Variants in POF1B observed in about 807,000 individuals in gnomAD.
POF1B encodes the protein POF1B actin binding protein.
Under a neutral mutation model 55.3 loss-of-function variants are expected in POF1B, and 53 were observed. That is an observed-to-expected ratio of 0.96 (90% CI 0.77 to 1.20). The LOEUF (loss-of-function observed/expected upper bound fraction) is 1.20. Ranked by LOEUF, POF1B falls within the 50% of genes most tolerant of loss-of-function variation. POF1B has a pLI of 0.00. For missense variants in POF1B, 478 were observed against 420.5 expected, an observed-to-expected ratio of 1.14 and a Z score of -1.20; for synonymous variants, 188 against 148.3, an observed-to-expected ratio of 1.27 and a Z score of -1.95.
At chrX:85,323,089 T>C (rs1165540168) in intron 7 of POF1B, among the ~76,000 whole-genome samples, 2 of 111,188 alleles carry the variant, frequency 1.8e-5, no homozygotes, top group African/African-American at 6.6e-5. Context: ...GCCATCCCAT[T>C]ACTGGGTGTA....
chrX:85,315,653 A>G, intron 8 of POF1B, 54 bp downstream of exon 8: 3 of 995,217 alleles, frequency 3.0e-6, no homozygotes, highest in Non-Finnish European at 4.0e-6. Flanking sequence ...TGCAAATATC[A>G]GAATCTACTT....
rs146172066 is a variant in POF1B, at chrX:85,307,207, C to T, written c.1120G>A (p.Glu374Lys). 26 of 1,204,849 alleles carry T rather than the reference C, an allele frequency of 2.2e-5. No homozygotes were observed. The highest frequency in any genetic ancestry group is 5.0e-4 in the Middle Eastern group (2 of 3,986). Reference sequence around the variant, plus strand: ...GCTCTCACTGATGCCAAGAGTTCTTCGTACTCTTTTAATTGAGTGTCTTTG... The same window carrying T: ...GCTCTCACTGATGCCAAGAGTTCTTTGTACTCTTTTAATTGAGTGTCTTTG... ...SFKDTQLKEY[E>K]ELLASVRANN... Residue 374 changes from glutamate to lysine, a missense_variant, in exon 11 of 17, where the codon GAA (glutamate) becomes AAA (lysine). Physicochemically the swap from Glu to Lys is moderately conservative, Grantham distance 56 (BLOSUM62 1). Transcript: ENST00000262753.
In POF1B at chrX:85,305,914, C is replaced by T. The variant is rs1284246272; in HGVS notation, c.1318-4G>A. On this transcript the variant is annotated splice_region_variant and splice_polypyrimidine_tract_variant and intron_variant, in intron 12 of 16. Transcript: ENST00000262753. ...GGCCTGTGCAAGTCTCAGAAACCTA[C>T]AGAAGGCAAAATAACTATCTGTAAT... 3 of 1,204,405 alleles carry T rather than the reference C, an allele frequency of 2.5e-6. No homozygotes were observed. Among genetic ancestry groups the T allele is most frequent in the Admixed American group, 2.2e-5 (1 of 44,703 alleles).
At chrX:85,366,170 T>A in intron 3 of POF1B, among the ~76,000 whole-genome samples, 1 of 111,203 alleles carries the variant, frequency 9.0e-6, no homozygotes, top group Admixed American at 9.5e-5. Flanking sequence ...ATTTGAAAAA[T>A]AATGCTGATG....
At chrX:85,375,463 T>C (rs1933905705) in intron 2 of POF1B, among the ~76,000 whole-genome samples, 1 of 111,785 alleles carries the variant, frequency 8.9e-6, no homozygotes, top group Non-Finnish European at 1.9e-5. Context: ...ACAATTGCCA[T>C]GGGCATTTTC....
intron 15 of POF1B, among the ~76,000 whole-genome samples, chrX:85,293,360 C>T (rs760627799): frequency 8.9e-6 from 1 of 111,793 alleles, no homozygotes; most frequent in Admixed American, 9.5e-5. Context: ...AAGATCATAT[C>T]CTTTTCAGGG....
intron 7 of POF1B, among the ~76,000 whole-genome samples, chrX:85,319,328 A>T (rs942542278): frequency 2.7e-5 from 3 of 111,308 alleles, no homozygotes; most frequent in Admixed American, 1.9e-4. Flanking sequence ...GGATAGTTTG[A>T]CTTCCTTTCT....
At chrX:85,299,038 G>A (rs1932376531) in intron 15 of POF1B, among the ~76,000 whole-genome samples, 1 of 111,078 alleles carries the variant, frequency 9.0e-6, no homozygotes, top group African/African-American at 3.3e-5. Context: ...ACTTTATCAG[G>A]ACTCTCAAAA....
intron 13 of POF1B, among the ~76,000 whole-genome samples, chrX:85,304,954 A>C (rs1162996701): frequency 9.0e-6 from 1 of 111,337 alleles, no homozygotes; most frequent in East Asian, 2.8e-4. Flanking sequence ...ACAGTCACGC[A>C]GTAACATAGC....
At chrX:85,314,397 T>C (rs756909980) in intron 9 of POF1B, 35 bp downstream of exon 9, 1 of 1,115,020 alleles carries the variant, frequency 9.0e-7, no homozygotes, top group South Asian at 2.1e-5. Flanking sequence ...TTTGTTAGTG[T>C]TGATTTCACA....
chrX:85,299,368 A>G (rs1404078452), intron 15 of POF1B, among the ~76,000 whole-genome samples: 1 of 103,054 alleles, frequency 9.7e-6, no homozygotes, highest in Non-Finnish European at 2.0e-5. Context: ...GGCTCACTGC[A>G]AGCTCCGCCT....
intron 16 of POF1B, among the ~76,000 whole-genome samples, chrX:85,281,481 A>G (rs1931896243): frequency 9.1e-6 from 1 of 110,106 alleles, no homozygotes; most frequent in African/African-American, 3.3e-5. Context: ...AGTAGCTCTC[A>G]GTCCTTTATA....
chrX:85,284,676 A>T (rs767240884), intron 15 of POF1B, among the ~76,000 whole-genome samples: 2,108 of 111,743 alleles, frequency 0.019, 47 homozygotes, highest in African/African-American at 0.065. Flanking sequence ...TAAAGACTTA[A>T]ATGTTAGACC....
chrX:85,339,926 T>C (rs1380792716), intron 6 of POF1B, among the ~76,000 whole-genome samples: 1 of 111,143 alleles, frequency 9.0e-6, no homozygotes, highest in Non-Finnish European at 1.9e-5. Context: ...AGCATTGGGA[T>C]AACCAGGGAA....
At position 85,322,688 on chromosome X, in the gene POF1B, C is replaced by A. The variant is rs376845745; in HGVS notation, c.855-6954G>T. 3.0e-4 allele frequency among the ~76,000 whole-genome samples: 33 copies of A among 111,529 alleles called. No homozygotes were observed. In the South Asian group the frequency reaches 0.012, roughly 39 times the overall value. On this transcript the variant is annotated intron_variant, in intron 7 of 16. Transcript: ENST00000262753. ...CAGAATGGGAGAAAATTTTTGCAAT[C>A]TACTCATCTGACAAAGGGCTAATAT...
chrX:85,379,625 G>T lies in POF1B; in HGVS notation c.-42+14C>A. On this transcript the variant is annotated intron_variant, in intron 1 of 16. Coordinates refer to ENST00000262753, the MANE Select transcript of POF1B (RefSeq NM_024921.4). ...CCTCTGCCAATAGTGGTGCCGGGAA[G>T]AGAAGAAAGCTACCTGAGCAGCAGC... 1 of 505,566 alleles carries T rather than the reference G, an allele frequency of 2.0e-6. No individual in the cohort carries two copies. The highest frequency in any genetic ancestry group is 3.2e-6 in the Non-Finnish European group (1 of 313,425). The allele number at this position is 505,566 out of a possible 1,213,427, so 41.7% of individuals were successfully genotyped here. A position where few individuals can be genotyped will look rare whatever the true frequency, so the allele number is the denominator to read the frequency against.
intron 15 of POF1B, among the ~76,000 whole-genome samples, chrX:85,294,806 G>A (rs921889071): frequency 3.6e-5 from 4 of 111,806 alleles, no homozygotes; most frequent in Admixed American, 9.5e-5. Context: ...ATTCTTCCTT[G>A]TATGTCTGGT....
intron 2 of POF1B, among the ~76,000 whole-genome samples, chrX:85,377,806 A>G (rs943626580): frequency 8.9e-6 from 1 of 112,013 alleles, no homozygotes; most frequent in African/African-American, 3.2e-5. Flanking sequence ...TACTCCTAAA[A>G]ATTGTCCGGT....
intron 7 of POF1B, among the ~76,000 whole-genome samples, chrX:85,319,198 T>C (rs1013171664): frequency 3.6e-5 from 4 of 111,804 alleles, no homozygotes; most frequent in African/African-American, 1.3e-4. Context: ...GAAATGTAGC[T>C]GATTTTTGTA....
Sources: allele counts gnomAD v4.1 joint callset (sites outside exome capture counted in the v4.1 genomes callset), GRCh38; gene constraint gnomAD v4.1.1; transcripts MANE v1.5; gene names NCBI Gene and HGNC (gene_info 2026-07-23, HGNC 2026-07-21).